CDC42BPA: variants seen among roughly 807,000 people sequenced by gnomAD.
CDC42BPA encodes the protein CDC42 binding protein kinase alpha.
In CDC42BPA, 80 loss-of-function variants were observed where a neutral mutation model predicts 223.5. The ratio of observed to expected loss-of-function variants is 0.36; its 90% confidence interval spans 0.30 to 0.43. The LOEUF (loss-of-function observed/expected upper bound fraction) is 0.43, where lower values mean the gene tolerates loss of function less well. Among genes scored for constraint, CDC42BPA ranks in the 20% least tolerant of loss-of-function variants. The probability of loss-of-function intolerance (pLI) is 1.00; values close to 1 mark genes in which losing one functional copy is unlikely to be tolerated. For synonymous variants in CDC42BPA, 694 were observed against 718.6 expected, an observed-to-expected ratio of 0.97 and a Z score of 0.55; for missense variants, 1,743 against 2,099.9, an observed-to-expected ratio of 0.83 and a Z score of 3.32.
chr1:227,051,499 A>C (rs1426273808), intron 22 of CDC42BPA, among the ~76,000 whole-genome samples: 11 of 152,168 alleles, frequency 7.2e-5, no homozygotes, highest in Non-Finnish European at 1.5e-5. Flanking sequence ...TCTATTTATG[A>C]TGTAACAGGT....
chr1:227,007,860 C>T (rs1273260674), intron 34 of CDC42BPA, among the ~76,000 whole-genome samples: 2 of 152,164 alleles, frequency 1.3e-5, no homozygotes, highest in Non-Finnish European at 2.9e-5. Flanking sequence ...AGAGAAAAGG[C>T]CTAAATGCTT....
intron 5 of CDC42BPA, among the ~76,000 whole-genome samples, chr1:227,168,842 C>A (rs1379625087): frequency 1.3e-5 from 2 of 152,126 alleles, no homozygotes; most frequent in Non-Finnish European, 2.9e-5. Flanking sequence ...TTATATCTTT[C>A]ATCAAATTTG....
chr1:226,992,675 T>C lies in CDC42BPA; in HGVS notation c.*1593A>G, dbSNP rs1300696530. On this transcript the variant is annotated 3_prime_UTR_variant, in exon 37 of 37. Coordinates refer to ENST00000366766, the MANE Select transcript of CDC42BPA (RefSeq NM_001394014.1). Reference sequence around the variant, plus strand: ...TTTTAAAGAGAGAATCCTGTCTCTATTTCTCAGAGAAACTTAGGTGAAAAG... The same window carrying C: ...TTTTAAAGAGAGAATCCTGTCTCTACTTCTCAGAGAAACTTAGGTGAAAAG... 1.3e-5 allele frequency: 2 copies of C among 152,266 alleles called. No individual in the cohort carries two copies. The highest frequency in any genetic ancestry group is 2.9e-5 in the Non-Finnish European group (2 of 68,042). 9.4% of individuals were successfully genotyped at this position (152,266 alleles called of 1,614,324 possible).
At position 227,205,729 on chromosome 1, in the gene CDC42BPA, T is replaced by C. The variant is rs529759832; in HGVS notation, c.355-6077A>G. On this transcript the variant is annotated intron_variant, in intron 3 of 36. Coordinates refer to ENST00000366766, the MANE Select transcript of CDC42BPA (RefSeq NM_001394014.1). ...ATGAGACCTTATTATCTTCAGTTTATACATGAGAAAATTGAGCCTTAGAAA... is the reference window on the plus strand; with the variant it reads ...ATGAGACCTTATTATCTTCAGTTTACACATGAGAAAATTGAGCCTTAGAAA... 3.3e-5 allele frequency among the ~76,000 whole-genome samples: 5 copies of C among 152,258 alleles called. No individual in the cohort carries two copies. The South Asian group carries it at 8.3e-4, about 25-fold the overall frequency.
intron 34 of CDC42BPA, among the ~76,000 whole-genome samples, chr1:227,009,568 C>T (rs923369232): frequency 6.6e-6 from 1 of 152,082 alleles, no homozygotes; most frequent in Admixed American, 6.6e-5. Context: ...GCCACCACAT[C>T]CAACTAATTT....
chr1:226,998,804 T>C (rs1662161572), intron 35 of CDC42BPA, among the ~76,000 whole-genome samples: 1 of 152,130 alleles, frequency 6.6e-6, no homozygotes, highest in Non-Finnish European at 1.5e-5. Context: ...TGGGATCTAA[T>C]TAAACTAAAG....
intron 5 of CDC42BPA, among the ~76,000 whole-genome samples, chr1:227,166,896 G>A (rs76671459): frequency 0.068 from 10,325 of 152,162 alleles, 399 homozygotes; most frequent in Non-Finnish European, 0.095. Flanking sequence ...ACTTGGGGGA[G>A]GGGGGCTCAA....
chr1:227,268,885 A>G (rs1572748579), intron 1 of CDC42BPA, among the ~76,000 whole-genome samples: 1 of 151,792 alleles, frequency 6.6e-6, no homozygotes, highest in South Asian at 2.1e-4. Context: ...AGGGTTTGCC[A>G]TGTTGCCCAG....
At chr1:227,274,616 C>T (rs1686613014) in intron 1 of CDC42BPA, among the ~76,000 whole-genome samples, 1 of 152,108 alleles carries the variant, frequency 6.6e-6, no homozygotes. Flanking sequence ...GGCCTCCCTG[C>T]TCCATTAAAA....
At chr1:227,063,220 C>A (rs1375040630) in intron 21 of CDC42BPA, among the ~76,000 whole-genome samples, 1 of 152,138 alleles carries the variant, frequency 6.6e-6, no homozygotes, top group African/African-American at 2.4e-5. Context: ...TTTATAAACA[C>A]TGAAATTGAA....
At chr1:227,302,295 C>A (rs949479323) in intron 1 of CDC42BPA, among the ~76,000 whole-genome samples, 24 of 152,158 alleles carry the variant, frequency 1.6e-4, no homozygotes, top group Non-Finnish European at 3.1e-4. Flanking sequence ...CTGGGAAGCT[C>A]CTTATCCTAA....
intron 24 of CDC42BPA, among the ~76,000 whole-genome samples, chr1:227,039,667 T>G (rs553984206): frequency 3.3e-5 from 5 of 151,906 alleles, no homozygotes; most frequent in Non-Finnish European, 7.4e-5. Flanking sequence ...AGAAGTACAG[T>G]GGGTGTTCCA....
At chr1:227,121,010 A>G (rs1268407541) in intron 11 of CDC42BPA, among the ~76,000 whole-genome samples, 1 of 152,178 alleles carries the variant, frequency 6.6e-6, no homozygotes, top group East Asian at 1.9e-4. Flanking sequence ...TGAGAATCTA[A>G]TGCCACCGCT....
chr1:227,075,458 A>C (rs946495285), intron 17 of CDC42BPA, among the ~76,000 whole-genome samples: 1 of 152,154 alleles, frequency 6.6e-6, no homozygotes, highest in Non-Finnish European at 1.5e-5. Context: ...CTTAGATGGG[A>C]GATTGTCTTT....
intron 1 of CDC42BPA, among the ~76,000 whole-genome samples, chr1:227,314,638 T>C (rs1011506043): frequency 1.1e-4 from 16 of 152,038 alleles, no homozygotes; most frequent in Non-Finnish European, 2.1e-4. Context: ...GAGTAATCTA[T>C]CATCAGCATA....
At chr1:227,163,166 ATATGTTTCCAAACATATGTGTG>A (rs1558650850) in intron 5 of CDC42BPA, among the ~76,000 whole-genome samples, 9 of 148,460 alleles carry the variant, frequency 6.1e-5, no homozygotes, top group Admixed American at 1.3e-4. Flanking sequence ...ATATGTGTGT[ATATGTTTCCAAACATATGTGTG>A]TATGTTTCCA....
At chr1:227,087,983 G>C (rs1412533725) in intron 16 of CDC42BPA, among the ~76,000 whole-genome samples, 1 of 151,948 alleles carries the variant, frequency 6.6e-6, no homozygotes, top group Non-Finnish European at 1.5e-5. Context: ...TGCAAGAGAA[G>C]GAGGAAAATG....
chr1:227,231,100 A>AG (rs1677843305), intron 2 of CDC42BPA, among the ~76,000 whole-genome samples: 1 of 150,804 alleles, frequency 6.6e-6, no homozygotes, highest in African/African-American at 2.4e-5. Flanking sequence ...CTCGTCATTT[A>AG]CATTAGGTAT....
intron 23 of CDC42BPA, among the ~76,000 whole-genome samples, chr1:227,041,755 C>A (rs946531661): frequency 3.9e-5 from 6 of 152,144 alleles, no homozygotes; most frequent in Non-Finnish European, 8.8e-5. Context: ...AAGTTCCTCA[C>A]GATCTTTTGG....
Sources: allele counts gnomAD v4.1 joint callset (sites outside exome capture counted in the v4.1 genomes callset), GRCh38; gene constraint gnomAD v4.1.1; transcripts MANE v1.5; gene names NCBI Gene and HGNC (gene_info 2026-07-23, HGNC 2026-07-21).